Variants in PTPRD observed in about 807,000 individuals in gnomAD.
PTPRD encodes the protein protein tyrosine phosphatase receptor type D.
Under a neutral mutation model 214.5 loss-of-function variants are expected in PTPRD, and 34 were observed. That is an observed-to-expected ratio of 0.16 (90% CI 0.12 to 0.21). The LOEUF (loss-of-function observed/expected upper bound fraction) is 0.21, where lower values mean the gene tolerates loss of function less well. Ranked by LOEUF, PTPRD falls within the 10% of genes least tolerant of loss-of-function variation. PTPRD has a pLI of 1.00. For synonymous variants in PTPRD, 1,128 were observed against 845.7 expected (o/e 1.33, Z -5.79); for missense variants, 2,545 against 2,398.7 (o/e 1.06, Z -1.27).
intron 42 of PTPRD, among the ~76,000 whole-genome samples, 178 bp downstream of exon 42, chr9:8,340,165 A>T (rs1258171699): frequency 6.6e-6 from 1 of 152,164 alleles, no homozygotes; most frequent in Non-Finnish European, 1.5e-5. Flanking sequence ...ACATAAATTT[A>T]AACACTTGAT....
At chr9:10,321,067 T>C (rs1438914669) in intron 3 of PTPRD, among the ~76,000 whole-genome samples, 3 of 152,058 alleles carry the variant, frequency 2.0e-5, no homozygotes, top group African/African-American at 7.2e-5. Flanking sequence ...TTGGCTAAAA[T>C]TTACACACTG....
chr9:9,810,973 C>A (rs2046956692), intron 5 of PTPRD, among the ~76,000 whole-genome samples: 1 of 151,908 alleles, frequency 6.6e-6, no homozygotes, highest in Non-Finnish European at 1.5e-5. Context: ...TGCACTCGCT[C>A]ACGTCTGTAA....
chr9:8,581,980 C>A (rs1594476937), intron 14 of PTPRD, among the ~76,000 whole-genome samples: 2 of 104,142 alleles, frequency 1.9e-5, no homozygotes, highest in Admixed American at 9.7e-5. Context: ...AGATAATTTA[C>A]AAATTTTTAA....
intron 3 of PTPRD, among the ~76,000 whole-genome samples, chr9:10,215,927 T>C (rs1199672587): frequency 6.6e-6 from 1 of 151,924 alleles, no homozygotes; most frequent in Admixed American, 6.6e-5. Context: ...CTAGACAACA[T>C]ATAAATCAGA....
At chr9:8,340,114 G>C (rs1212037261) in intron 42 of PTPRD, among the ~76,000 whole-genome samples, 1 of 152,082 alleles carries the variant, frequency 6.6e-6, no homozygotes, top group East Asian at 1.9e-4. Flanking sequence ...CTCCATGCTT[G>C]TGCTTCACTG....
chr9:10,579,798 G>T (rs368004890), intron 2 of PTPRD, among the ~76,000 whole-genome samples: 2 of 151,944 alleles, frequency 1.3e-5, no homozygotes, highest in Non-Finnish European at 2.9e-5. Flanking sequence ...TTTAATAGCC[G>T]TTCTAACTGG....
chr9:10,286,836 T>C (rs1037753005), intron 3 of PTPRD, among the ~76,000 whole-genome samples: 2 of 152,040 alleles, frequency 1.3e-5, no homozygotes, highest in Non-Finnish European at 2.9e-5. Context: ...CCTGACCTCA[T>C]GATCCACCCG....
intron 5 of PTPRD, among the ~76,000 whole-genome samples, chr9:9,882,843 C>T (rs1191827836): frequency 7.2e-5 from 11 of 151,942 alleles, no homozygotes; most frequent in African/African-American, 1.9e-4. Context: ...GGAAGTGTTT[C>T]GGCCACTGGG....
At chr9:9,632,644 T>G (rs1361365134) in intron 7 of PTPRD, among the ~76,000 whole-genome samples, 1 of 151,874 alleles carries the variant, frequency 6.6e-6, no homozygotes, top group Admixed American at 6.6e-5. Context: ...AGTTCAAATG[T>G]TGGTTTGCTT....
chr9:10,120,627 G>C lies in PTPRD; in HGVS notation c.-544-86837C>G, dbSNP rs905163412. Among the ~76,000 whole-genome samples the C allele has an allele frequency of 2.6e-5, 4 of 151,600 alleles. No homozygotes were observed. The East Asian group carries it at 7.7e-4, about 29-fold the overall frequency. On this transcript the variant is annotated intron_variant, in intron 3 of 45. Coordinates refer to ENST00000381196, the MANE Select transcript of PTPRD (RefSeq NM_002839.4). ...ATTAAATATGTTAGGTTTTCAAAAA[G>C]TTTCTATAGTTCTATACATCCATCA...
At chr9:9,705,633 A>C (rs1174414930) in intron 7 of PTPRD, among the ~76,000 whole-genome samples, 3 of 152,126 alleles carry the variant, frequency 2.0e-5, no homozygotes, top group African/African-American at 7.2e-5. Flanking sequence ...TCAGCTAATG[A>C]AAATATTTTA....
intron 4 of PTPRD, among the ~76,000 whole-genome samples, chr9:9,952,010 G>A (rs2093498698): frequency 6.6e-6 from 1 of 152,164 alleles, no homozygotes; most frequent in Non-Finnish European, 1.5e-5. Flanking sequence ...TGGCCTACAG[G>A]AAATGAAATA....
chr9:10,036,622 G>C (rs1466220732), intron 3 of PTPRD, among the ~76,000 whole-genome samples: 1 of 151,582 alleles, frequency 6.6e-6, no homozygotes, highest in Non-Finnish European at 1.5e-5. Flanking sequence ...GCCTGGTTCT[G>C]TCACCAGGCT....
At chr9:8,789,011 G>C (rs890017664) in intron 11 of PTPRD, among the ~76,000 whole-genome samples, 27 of 152,184 alleles carry the variant, frequency 1.8e-4, no homozygotes, top group Admixed American at 5.9e-4. Context: ...AGCTAAAACA[G>C]ACACAGGACT....
At chr9:8,385,409 C>T (rs879546384) in intron 37 of PTPRD, among the ~76,000 whole-genome samples, 12 of 152,106 alleles carry the variant, frequency 7.9e-5, no homozygotes, top group Admixed American at 6.6e-4. Context: ...ACCTGTAGTC[C>T]CTGCTGTTCA....
intron 8 of PTPRD, among the ~76,000 whole-genome samples, chr9:9,538,795 A>G (rs969339787): frequency 6.6e-6 from 1 of 152,088 alleles, no homozygotes; most frequent in African/African-American, 2.4e-5. Context: ...CTTTGGTTCA[A>G]AAAAGGAGTC....
chr9:9,682,665 A>G (rs1285509562), intron 7 of PTPRD, among the ~76,000 whole-genome samples: 2 of 151,662 alleles, frequency 1.3e-5, no homozygotes, highest in African/African-American at 4.8e-5. Context: ...AGGTGTTGGT[A>G]GAGTACACCA....
At chr9:10,082,814 CACACACACACACACACACACACACAA>C (rs1284687439) in intron 3 of PTPRD, among the ~76,000 whole-genome samples, 11 of 121,608 alleles carry the variant, frequency 9.0e-5, no homozygotes, top group East Asian at 4.8e-4. Flanking sequence ...ACTCCTCCTA[CACACACACACACACACACACACACAA>C]ACACACACAC....
intron 11 of PTPRD, among the ~76,000 whole-genome samples, chr9:8,935,235 T>C (rs1033909473): frequency 6.6e-6 from 1 of 152,106 alleles, no homozygotes; most frequent in Non-Finnish European, 1.5e-5. Flanking sequence ...CTGTTGGAAG[T>C]AATAAAAAAA....
Sources: gnomAD v4.1 joint callset for allele counts (sites outside exome capture counted in the v4.1 genomes callset) on GRCh38, gnomAD v4.1.1 for gene constraint, MANE v1.5 for transcripts, NCBI Gene and HGNC (gene_info 2026-07-23, HGNC 2026-07-21) for gene names.